Variants in SLC35F4 observed in about 807,000 individuals in gnomAD.
The protein encoded by SLC35F4 is solute carrier family 35 member F4.
Under a neutral mutation model 44.2 loss-of-function variants are expected in SLC35F4, and 24 were observed. The observed-to-expected ratio is 0.54, with a 90% CI of 0.39 to 0.76. SLC35F4 has a LOEUF of 0.76. Ranked by LOEUF, SLC35F4 falls within the 30% of genes least tolerant of loss-of-function variation. The probability of loss-of-function intolerance (pLI) is 0.00; values close to 1 mark genes in which losing one functional copy is unlikely to be tolerated. For synonymous variants in SLC35F4, 238 were observed against 223.6 expected, an observed-to-expected ratio of 1.06 and a Z score of -0.57; for missense variants, 562 against 586.1, an observed-to-expected ratio of 0.96 and a Z score of 0.42.
intron 1 of SLC35F4, among the ~76,000 whole-genome samples, chr14:57,641,941 T>C (rs2073261911): frequency 6.6e-6 from 1 of 152,028 alleles, no homozygotes; most frequent in South Asian, 2.1e-4. Flanking sequence ...TTATTAAAGA[T>C]TGAGTTACTT....
intron 1 of SLC35F4, among the ~76,000 whole-genome samples, chr14:57,786,431 A>C (rs4901821): frequency 2.6e-5 from 4 of 152,124 alleles, no homozygotes; most frequent in African/African-American, 9.7e-5. Context: ...TGCTCTCTGG[A>C]AAGTGCCACC....
intron 1 of SLC35F4, among the ~76,000 whole-genome samples, chr14:57,891,763 C>T (rs529252643): frequency 6.6e-6 from 1 of 152,178 alleles, no homozygotes; most frequent in East Asian, 1.9e-4. Flanking sequence ...GTAGTCCCAG[C>T]TACTTGGGAG....
At chr14:57,804,365 A>C (rs1319927156) in intron 1 of SLC35F4, among the ~76,000 whole-genome samples, 1 of 152,224 alleles carries the variant, frequency 6.6e-6, no homozygotes, top group Non-Finnish European at 1.5e-5. Context: ...ACCCAACTTT[A>C]TACTATACTA....
Position 57,589,508 on chromosome 14 carries a change from C to T in SLC35F4, c.295G>A (p.Asp99Asn), listed in dbSNP as rs1176077217. Residue 99 changes from aspartate to asparagine, a missense_variant, in exon 3 of 8, where the codon GAT (aspartate) becomes AAT (asparagine). Physicochemically the swap from Asp to Asn is conservative, Grantham distance 23. Coordinates refer to ENST00000556826, the MANE Select transcript of SLC35F4 (RefSeq NM_001306087.2). ...TTCTCAGAATGAGTCTGTGTCCCAT[C>T]GTCTGCTGGAAACAGGAAAGGAATA... ...RVERQNRSAD[D>N]GTQTHSENSS... The T allele has an allele frequency of 4.4e-6, 7 of 1,602,506 alleles. No individual in the cohort carries two copies. The highest frequency in any genetic ancestry group is 2.2e-5 in the East Asian group (1 of 44,722).
intron 1 of SLC35F4, among the ~76,000 whole-genome samples, chr14:57,666,819 G>A (rs1379102496): frequency 6.6e-6 from 1 of 152,054 alleles, no homozygotes; most frequent in African/African-American, 2.4e-5. Flanking sequence ...GCATTGTGGG[G>A]ACCTAGTAGG....
intron 1 of SLC35F4, among the ~76,000 whole-genome samples, chr14:57,873,516 A>T (rs1888336419): frequency 1.3e-5 from 2 of 152,366 alleles, no homozygotes; most frequent in South Asian, 4.1e-4. Flanking sequence ...AAGACTACAA[A>T]GTGATGAGAA....
intron 1 of SLC35F4, among the ~76,000 whole-genome samples, chr14:57,646,721 C>G (rs2073540711): frequency 6.6e-6 from 1 of 152,128 alleles, no homozygotes; most frequent in African/African-American, 2.4e-5. Context: ...GTTAGGGTGT[C>G]AAATTTAGAT....
intron 1 of SLC35F4, among the ~76,000 whole-genome samples, chr14:57,879,833 A>G: frequency 6.6e-6 from 1 of 152,072 alleles, no homozygotes; most frequent in East Asian, 1.9e-4. Context: ...TTATAAAGCC[A>G]GGATTAAGTC....
In SLC35F4 at chr14:57,566,566, TG is replaced by T; in HGVS notation, c.1127-3del. The T allele has an allele frequency of 6.3e-7, 1 of 1,593,114 alleles. No homozygotes were observed. Among genetic ancestry groups the T allele is most frequent in the Non-Finnish European group, 8.6e-7 (1 of 1,169,318 alleles). ...CAACATTCACCAGGATGTTGAAGGC[TG>T]TAAAATAGAGGAGGAAATGCAAGAT... On this transcript the variant is annotated splice_polypyrimidine_tract_variant and splice_region_variant and intron_variant, in intron 6 of 7. Transcript: ENST00000556826.
At chr14:57,853,737 C>G (rs1397582911) in intron 1 of SLC35F4, among the ~76,000 whole-genome samples, 1 of 152,130 alleles carries the variant, frequency 6.6e-6, no homozygotes, top group African/African-American at 2.4e-5. Flanking sequence ...AAGCAAGAGA[C>G]AAGAATGGGG....
rs575359547 is a variant in SLC35F4, at chr14:57,852,031, T to C, written c.103+13692A>G. Among the ~76,000 whole-genome samples the C allele has an allele frequency of 7.2e-5, 11 of 152,350 alleles. No homozygotes were observed. In the South Asian group the frequency reaches 2.1e-3, roughly 29 times the overall value. ...TGGAGTGCCCAAGCATTGTTCTTTGTGCTGGTCATACGGTGCTGAACGAAA... is the reference window on the plus strand; with the variant it reads ...TGGAGTGCCCAAGCATTGTTCTTTGCGCTGGTCATACGGTGCTGAACGAAA... On this transcript the variant is annotated intron_variant, in intron 1 of 7. Coordinates refer to ENST00000556826, the MANE Select transcript of SLC35F4 (RefSeq NM_001306087.2).
intron 1 of SLC35F4, among the ~76,000 whole-genome samples, chr14:57,661,145 G>C (rs1027191374): frequency 2.0e-5 from 3 of 152,070 alleles, no homozygotes; most frequent in Admixed American, 1.3e-4. Context: ...TCTTTTTACA[G>C]ACTCAAATTT....
At chr14:57,759,669 C>T (rs2077077276) in intron 1 of SLC35F4, among the ~76,000 whole-genome samples, 1 of 152,138 alleles carries the variant, frequency 6.6e-6, no homozygotes, top group Non-Finnish European at 1.5e-5. Context: ...ACAAGGTTTC[C>T]AATGTCTCCA....
chr14:57,904,691 C>G (rs532758967), intron 1 of SLC35F4, among the ~76,000 whole-genome samples: 2 of 152,076 alleles, frequency 1.3e-5, no homozygotes, highest in African/African-American at 2.4e-5. Flanking sequence ...TCCACAGCCC[C>G]GCTAGGTGGA....
intron 1 of SLC35F4, among the ~76,000 whole-genome samples, chr14:57,747,799 T>C (rs1303393590): frequency 6.6e-6 from 1 of 152,214 alleles, no homozygotes; most frequent in Non-Finnish European, 1.5e-5. Flanking sequence ...ATATACAAGT[T>C]AATTGTATAA....
chr14:57,970,296 T>G (rs899968478), intron 1 of SLC35F4, among the ~76,000 whole-genome samples: 2 of 152,224 alleles, frequency 1.3e-5, no homozygotes, highest in African/African-American at 4.8e-5. Context: ...GAAGTGAGAT[T>G]GATGAGTAAA....
At chr14:57,624,137 A>C (rs2072346214) in intron 1 of SLC35F4, among the ~76,000 whole-genome samples, 1 of 152,232 alleles carries the variant, frequency 6.6e-6, no homozygotes, top group Admixed American at 6.5e-5. Flanking sequence ...GATTCCACAG[A>C]AATACAAACT....
chr14:57,589,184 A>T lies in SLC35F4; in HGVS notation c.587+32T>A, dbSNP rs746819779. ...CATATTTTCATAAAACATTTCAATG[A>T]TCTCTTATTGGGCAGTTAACATGAA... On this transcript the variant is annotated intron_variant, in intron 3 of 7. Coordinates refer to ENST00000556826, the MANE Select transcript of SLC35F4 (RefSeq NM_001306087.2). 4.5e-6 allele frequency: 7 copies of T among 1,548,454 alleles called. No homozygotes were observed. The Admixed American group carries it at 1.2e-4, about 27-fold the overall frequency.
Position 57,800,191 on chromosome 14 carries a change from C to T in SLC35F4, c.103+65532G>A, listed in dbSNP as rs149547859. On this transcript the variant is annotated intron_variant, in intron 1 of 7. Transcript: ENST00000556826. ...CATCTTTGCTCTTTCACAGCCTTCA[C>T]GGGTAATACCTCCAGGTACAAGAGA... 5.3e-5 allele frequency among the ~76,000 whole-genome samples: 8 copies of T among 152,286 alleles called. No homozygotes were observed. The East Asian group carries it at 1.4e-3, about 26-fold the overall frequency.
Sources: allele counts gnomAD v4.1 joint callset (sites outside exome capture counted in the v4.1 genomes callset), GRCh38; gene constraint gnomAD v4.1.1; transcripts MANE v1.5; gene names NCBI Gene and HGNC (gene_info 2026-07-23, HGNC 2026-07-21).